Variants in MEGF11 observed in about 807,000 individuals in gnomAD.
MEGF11 encodes the protein multiple EGF like domains 11.
Under a neutral mutation model 146.6 loss-of-function variants are expected in MEGF11, and 126 were observed. That is an observed-to-expected ratio of 0.86 (90% CI 0.74 to 1.00). The LOEUF (loss-of-function observed/expected upper bound fraction) is 1.00. MEGF11 is among the 50% of genes least tolerant of loss of function. The pLI, the probability that MEGF11 is intolerant of heterozygous loss-of-function variation, is 0.00. For missense variants in MEGF11, 1,509 were observed against 1,521.2 expected, an observed-to-expected ratio of 0.99 and a Z score of 0.13; for synonymous variants, 532 against 583.4, an observed-to-expected ratio of 0.91 and a Z score of 1.27.
At chr15:66,145,338 T>TAA (rs201415893) in intron 1 of MEGF11, among the ~76,000 whole-genome samples, 27 of 144,012 alleles carry the variant, frequency 1.9e-4, no homozygotes, top group East Asian at 9.8e-4. Context: ...GAAAAGGAGG[T>TAA]AAAAAAAAAA....
intron 1 of MEGF11, among the ~76,000 whole-genome samples, chr15:66,146,444 T>A (rs552575729): frequency 6.7e-4 from 102 of 151,702 alleles, no homozygotes; most frequent in African/African-American, 2.3e-3. Flanking sequence ...CCAGGAGAGA[T>A]GGAGATAAAC....
chr15:66,232,121 C>T (rs2091978762), intron 1 of MEGF11, among the ~76,000 whole-genome samples: 2 of 152,226 alleles, frequency 1.3e-5, no homozygotes, highest in African/African-American at 4.8e-5. Context: ...CCAAGCTGCC[C>T]TCGGCAGGCA....
At chr15:66,090,340 A>T (rs745978766) in intron 5 of MEGF11, among the ~76,000 whole-genome samples, 6 of 152,258 alleles carry the variant, frequency 3.9e-5, no homozygotes, top group Non-Finnish European at 7.3e-5. Flanking sequence ...AGACATATGC[A>T]TAAGAAGAAT....
intron 5 of MEGF11, among the ~76,000 whole-genome samples, chr15:66,015,992 G>C (rs1415790068): frequency 6.6e-6 from 1 of 152,018 alleles, no homozygotes; most frequent in African/African-American, 2.4e-5. Flanking sequence ...TGGGTGGGTA[G>C]GCATTGGGAT....
chr15:66,073,275 C>T (rs1438805745), intron 5 of MEGF11, among the ~76,000 whole-genome samples: 2 of 152,162 alleles, frequency 1.3e-5, no homozygotes, highest in South Asian at 2.1e-4. Context: ...CAGAATCACG[C>T]CCCCCTTCTT....
intron 22 of MEGF11, among the ~76,000 whole-genome samples, chr15:65,909,442 G>A (rs2078728118): frequency 6.6e-6 from 1 of 152,024 alleles, no homozygotes; most frequent in South Asian, 2.1e-4. Flanking sequence ...GTAGGGCCTG[G>A]GTCAAGCAGA....
chr15:65,934,333 C>A (rs1432855043), intron 10 of MEGF11, among the ~76,000 whole-genome samples: 2 of 152,182 alleles, frequency 1.3e-5, no homozygotes, highest in African/African-American at 4.8e-5. Flanking sequence ...CTCACTGCAA[C>A]CTCCACCTCC....
intron 1 of MEGF11, among the ~76,000 whole-genome samples, chr15:66,208,123 A>G (rs1215052193): frequency 1.3e-5 from 2 of 152,084 alleles, no homozygotes; most frequent in Non-Finnish European, 2.9e-5. Flanking sequence ...AGAGACTGGA[A>G]CTATATAGGA....
intron 1 of MEGF11, among the ~76,000 whole-genome samples, chr15:66,128,729 C>T (rs938348481): frequency 2.6e-5 from 4 of 152,120 alleles, no homozygotes. Flanking sequence ...TGTCCTCAGG[C>T]CCCCGGGCCC....
intron 4 of MEGF11, among the ~76,000 whole-genome samples, chr15:66,110,966 C>A (rs2087365335): frequency 6.6e-6 from 1 of 152,156 alleles, no homozygotes; most frequent in African/African-American, 2.4e-5. Context: ...CCCCTGCCCT[C>A]TTGACTGACC....
chr15:66,044,646 G>A (rs1196540206), intron 5 of MEGF11, among the ~76,000 whole-genome samples: 3 of 151,054 alleles, frequency 2.0e-5, no homozygotes, highest in South Asian at 2.1e-4. Flanking sequence ...TTTGAGACCA[G>A]CCTGGGCAAG....
chr15:66,083,648 T>G (rs1255093137), intron 5 of MEGF11, among the ~76,000 whole-genome samples: 1 of 151,932 alleles, frequency 6.6e-6, no homozygotes, highest in Non-Finnish European at 1.5e-5. Flanking sequence ...AAAAAAAAAC[T>G]TTTATATATC....
chr15:66,179,487 G>A (rs116405882), intron 1 of MEGF11, among the ~76,000 whole-genome samples: 6 of 152,242 alleles, frequency 3.9e-5, no homozygotes, highest in African/African-American at 1.2e-4. Flanking sequence ...GAGCAGAAGA[G>A]CCCAAAGCAA....
At chr15:66,175,875 A>T (rs2090376660) in intron 1 of MEGF11, among the ~76,000 whole-genome samples, 3 of 152,222 alleles carry the variant, frequency 2.0e-5, no homozygotes, top group African/African-American at 7.2e-5. Context: ...CAGAGTGAAG[A>T]CACAATCTAT....
At chr15:65,938,416 C>T (rs2079863625) in intron 10 of MEGF11, among the ~76,000 whole-genome samples, 1 of 152,344 alleles carries the variant, frequency 6.6e-6, no homozygotes, top group Non-Finnish European at 1.5e-5. Flanking sequence ...GCCACCTAAG[C>T]ACAGAGCAAG....
intron 5 of MEGF11, among the ~76,000 whole-genome samples, chr15:66,088,900 T>C (rs1270929308): frequency 6.6e-6 from 1 of 152,184 alleles, no homozygotes; most frequent in Non-Finnish European, 1.5e-5. Context: ...ATGAAAAAGT[T>C]CTGAAGATGG....
rs1300125040 is a variant in MEGF11, at chr15:65,930,813, G to A, written c.1408+10C>T. On this transcript the variant is annotated intron_variant, in intron 11 of 25. Coordinates refer to ENST00000395614, the MANE Select transcript of MEGF11 (RefSeq NM_001385028.1). The stretch of plus-strand genomic sequence containing the variant: ...TGTCAGGGATGGGCTTGGGAGAGAG[G>A]GCACATTACCTTCCTTGCAGGTACA... 1 of 1,600,032 alleles carries A rather than the reference G, an allele frequency of 6.2e-7. No homozygotes were observed. The highest frequency in any genetic ancestry group is 8.5e-7 in the Non-Finnish European group (1 of 1,171,648).
intron 5 of MEGF11, among the ~76,000 whole-genome samples, chr15:66,054,199 C>T (rs1203212487): frequency 1.3e-5 from 2 of 152,186 alleles, no homozygotes; most frequent in Admixed American, 6.5e-5. Flanking sequence ...TGCCTGGTTG[C>T]GTTGATGCAG....
intron 24 of MEGF11, among the ~76,000 whole-genome samples, chr15:65,899,534 T>C (rs1279995118): frequency 1.3e-5 from 2 of 152,146 alleles, no homozygotes; most frequent in Non-Finnish European, 2.9e-5. Context: ...ACTGAGAAGC[T>C]TAGGTTCAGA....
Sources: gnomAD v4.1 joint callset for allele counts (sites outside exome capture counted in the v4.1 genomes callset) on GRCh38, gnomAD v4.1.1 for gene constraint, MANE v1.5 for transcripts, NCBI Gene and HGNC (gene_info 2026-07-23, HGNC 2026-07-21) for gene names.